The following PRKCE variants were observed in gnomAD, a reference collection of about 807,000 sequenced individuals.
PRKCE encodes the protein protein kinase C epsilon.
In PRKCE, 16 loss-of-function variants were observed where a neutral mutation model predicts 85.4. The observed-to-expected ratio is 0.19, with a 90% CI of 0.13 to 0.28. The LOEUF is 0.28. Among genes scored for constraint, PRKCE ranks in the 10% least tolerant of loss-of-function variants. The pLI, the probability that PRKCE is intolerant of heterozygous loss-of-function variation, is 1.00. For missense variants in PRKCE, 573 were observed against 975.2 expected, an observed-to-expected ratio of 0.59 and a Z score of 5.49; for synonymous variants, 388 against 371.5, an observed-to-expected ratio of 1.04 and a Z score of -0.51.
At chr2:45,970,418 T>A (rs528174565) in intron 2 of PRKCE, among the ~76,000 whole-genome samples, 2 of 152,214 alleles carry the variant, frequency 1.3e-5, no homozygotes, top group African/African-American at 2.4e-5. Flanking sequence ...CCCTTTGTGC[T>A]GGTCTTGCCA....
At chr2:46,183,033 T>C (rs888235316) in intron 14 of PRKCE, among the ~76,000 whole-genome samples, 6 of 152,364 alleles carry the variant, frequency 3.9e-5, no homozygotes, top group Admixed American at 2.0e-4. Context: ...TTTCCTCATC[T>C]GCAGGATCAG....
intron 1 of PRKCE, among the ~76,000 whole-genome samples, chr2:45,687,972 G>A (rs1035359721): frequency 3.3e-5 from 5 of 152,294 alleles, no homozygotes; most frequent in Non-Finnish European, 2.9e-5. Context: ...GAGTTGGAGC[G>A]TTAGCACCCA....
rs12105634 is a variant in PRKCE, at chr2:46,169,279, C to T, written c.2067+9527C>T. On this transcript the variant is annotated intron_variant, in intron 14 of 14. Transcript: ENST00000306156. ...GTAACAGAATTAGGTTTGGCCTAAA[C>T]TTAACATTCCATTGTTATTCTGGAA... Among the ~76,000 whole-genome samples, 1,415 of 152,300 alleles carry T rather than the reference C, an allele frequency of 9.3e-3. 22 individuals are homozygous for T. The highest frequency in any genetic ancestry group is 0.032 in the African/African-American group (1,339 of 41,556).
intron 2 of PRKCE, among the ~76,000 whole-genome samples, chr2:45,868,151 A>C (rs1693758414): frequency 6.6e-6 from 1 of 150,974 alleles, no homozygotes; most frequent in Admixed American, 6.6e-5. Context: ...AAAACAAACA[A>C]ACAAACAAAA....
chr2:45,742,328 G>A (rs1682647485), intron 1 of PRKCE, among the ~76,000 whole-genome samples: 1 of 152,012 alleles, frequency 6.6e-6, no homozygotes, highest in Non-Finnish European at 1.5e-5. Flanking sequence ...CCAGCTACTT[G>A]GGAGGCTGAG....
intron 2 of PRKCE, among the ~76,000 whole-genome samples, chr2:45,872,938 T>C (rs1314391185): frequency 6.6e-6 from 1 of 152,152 alleles, no homozygotes; most frequent in Non-Finnish European, 1.5e-5. Context: ...GCATGACACC[T>C]GGGAGCTGGA....
At chr2:45,720,633 G>A (rs911707588) in intron 1 of PRKCE, among the ~76,000 whole-genome samples, 2 of 152,148 alleles carry the variant, frequency 1.3e-5, no homozygotes, top group Admixed American at 6.5e-5. Context: ...CCTCTGGTGA[G>A]ACCCAAACTT....
intron 6 of PRKCE, among the ~76,000 whole-genome samples, chr2:45,998,970 T>G (rs1460803797): frequency 6.6e-6 from 1 of 152,192 alleles, no homozygotes; most frequent in Non-Finnish European, 1.5e-5. Context: ...AAAATTATCC[T>G]AATTCCTCCC....
At chr2:46,030,610 G>C (rs1351963477) in intron 10 of PRKCE, among the ~76,000 whole-genome samples, 1 of 152,128 alleles carries the variant, frequency 6.6e-6, no homozygotes, top group African/African-American at 2.4e-5. Flanking sequence ...GTGTGATTTG[G>C]GGATGCATAA....
intron 10 of PRKCE, among the ~76,000 whole-genome samples, chr2:46,084,287 T>C (rs1669373157): frequency 6.6e-6 from 1 of 152,210 alleles, no homozygotes; most frequent in Admixed American, 6.5e-5. Context: ...TTCTTAACTA[T>C]GGACTTTATT....
At chr2:45,746,575 T>G (rs960182856) in intron 1 of PRKCE, among the ~76,000 whole-genome samples, 2 of 152,202 alleles carry the variant, frequency 1.3e-5, no homozygotes, top group Non-Finnish European at 2.9e-5. Context: ...AGTTTCTACC[T>G]CACTGAAATG....
At chr2:45,747,176 T>A (rs1202945621) in intron 1 of PRKCE, among the ~76,000 whole-genome samples, 2 of 152,232 alleles carry the variant, frequency 1.3e-5, no homozygotes, top group Non-Finnish European at 2.9e-5. Context: ...ACTGGGTATT[T>A]TTTTTGCAAA....
At chr2:46,152,816 G>A (rs1676781036) in intron 13 of PRKCE, among the ~76,000 whole-genome samples, 1 of 152,056 alleles carries the variant, frequency 6.6e-6, no homozygotes, top group Admixed American at 6.6e-5. Flanking sequence ...CAAAGTGCTG[G>A]GATTACAGGT....
chr2:46,045,613 T>C (rs1414825273), intron 10 of PRKCE, among the ~76,000 whole-genome samples: 1 of 152,220 alleles, frequency 6.6e-6, no homozygotes. Context: ...GCATGGTCAC[T>C]CTCGCCTGTA....
At chr2:45,689,686 A>G (rs1458034066) in intron 1 of PRKCE, among the ~76,000 whole-genome samples, 5 of 152,092 alleles carry the variant, frequency 3.3e-5, no homozygotes, top group African/African-American at 1.2e-4. Flanking sequence ...GAGGGAGGTC[A>G]GGCATTTGAG....
intron 2 of PRKCE, among the ~76,000 whole-genome samples, chr2:45,904,006 C>A (rs61056767): frequency 6.6e-6 from 1 of 151,578 alleles, no homozygotes; most frequent in East Asian, 1.9e-4. Context: ...TGAGTTCAAG[C>A]GATTCTCGTG....
At chr2:46,048,976 C>T (rs1042046361) in intron 10 of PRKCE, among the ~76,000 whole-genome samples, 2 of 151,068 alleles carry the variant, frequency 1.3e-5, no homozygotes, top group Admixed American at 1.3e-4. Flanking sequence ...ATGCCTCCAT[C>T]TGACCTACAC....
At chr2:46,070,641 T>TTA (rs1419592313) in intron 10 of PRKCE, among the ~76,000 whole-genome samples, 1 of 92,304 alleles carries the variant, frequency 1.1e-5, no homozygotes, top group Non-Finnish European at 2.4e-5. Flanking sequence ...AGACTCCGTC[T>TTA]CAAAAAAAAA....
At chr2:45,680,043 A>T (rs1676766744) in intron 1 of PRKCE, among the ~76,000 whole-genome samples, 1 of 152,236 alleles carries the variant, frequency 6.6e-6, no homozygotes, top group South Asian at 2.1e-4. Context: ...ATTAAACAAG[A>T]GAGGTAAAGA....
Sources: gnomAD v4.1 joint callset for allele counts (sites outside exome capture counted in the v4.1 genomes callset) on GRCh38, gnomAD v4.1.1 for gene constraint, MANE v1.5 for transcripts, NCBI Gene and HGNC (gene_info 2026-07-23, HGNC 2026-07-21) for gene names.